VDR: variants seen among roughly 807,000 people sequenced by gnomAD.
VDR encodes vitamin D receptor, also known as vitamin D3 receptor.
Under a neutral mutation model 39.7 loss-of-function variants are expected in VDR, and 19 were observed. The observed-to-expected ratio is 0.48, with a 90% CI of 0.33 to 0.70. VDR has a LOEUF of 0.70. Among genes scored for constraint, VDR ranks in the 30% least tolerant of loss-of-function variants. The pLI is 0.02. For missense variants in VDR, 442 were observed against 570.5 expected (o/e 0.77, Z 2.29); for synonymous variants, 242 against 215.8 (o/e 1.12, Z -1.07).
intron 1 of VDR, among the ~76,000 whole-genome samples, chr12:47,892,905 G>T (rs1010510808): frequency 2.0e-5 from 3 of 152,214 alleles, no homozygotes; most frequent in African/African-American, 7.2e-5. Context: ...AGGAGCAGAG[G>T]AGTTTAATGT....
intron 9 of VDR, among the ~76,000 whole-genome samples, chr12:47,845,971 G>GT (rs1423156617): frequency 3.3e-5 from 5 of 152,208 alleles, no homozygotes; most frequent in Non-Finnish European, 7.3e-5. Context: ...CCAAAGTTTT[G>GT]TACCCTGCCC....
intron 3 of VDR, among the ~76,000 whole-genome samples, chr12:47,871,017 T>A (rs985431300): frequency 6.6e-6 from 1 of 152,098 alleles, no homozygotes; most frequent in African/African-American, 2.4e-5. Context: ...CATCAGGGGG[T>A]TCTCCTCAGG....
In VDR at chr12:47,895,153, AT is replaced by A. The variant is rs537839729; in HGVS notation, c.-84+9801del. 4.5e-4 allele frequency among the ~76,000 whole-genome samples: 68 copies of A among 152,248 alleles called. 1 individual carries two copies. The highest frequency in any genetic ancestry group is 9.0e-4 in the Non-Finnish European group (61 of 68,042). ...TTGCATTACTATTATTTTTCCAGGC[AT>A]TTAAGAATAGGAGAGGAGGAGGAAT... On this transcript the variant is annotated intron_variant, in intron 1 of 9. Coordinates refer to ENST00000549336, the MANE Select transcript of VDR (RefSeq NM_000376.3).
At chr12:47,885,227 GA>G (rs1370783233) in intron 1 of VDR, among the ~76,000 whole-genome samples, 1 of 152,198 alleles carries the variant, frequency 6.6e-6, no homozygotes, top group African/African-American at 2.4e-5. Flanking sequence ...CAACTCTGTA[GA>G]AAGCCCCTGG....
chr12:47,887,621 G>A (rs909279233), intron 1 of VDR, among the ~76,000 whole-genome samples: 4 of 152,228 alleles, frequency 2.6e-5, no homozygotes, highest in South Asian at 4.1e-4. Context: ...CACAGACAGC[G>A]TCCACCTTTG....
intron 7 of VDR, among the ~76,000 whole-genome samples, chr12:47,852,791 A>C (rs1945411797): frequency 6.6e-6 from 1 of 152,188 alleles, no homozygotes; most frequent in South Asian, 2.1e-4. Context: ...TAATTTCGGC[A>C]ATAACTCATG....
chr12:47,876,955 G>C (rs772727915), intron 3 of VDR, among the ~76,000 whole-genome samples: 8 of 152,324 alleles, frequency 5.3e-5, no homozygotes, highest in Non-Finnish European at 8.8e-5. Context: ...AGTGGATTTG[G>C]GGGTAGAGAC....
At chr12:47,900,689 A>G (rs1385160456) in intron 1 of VDR, among the ~76,000 whole-genome samples, 1 of 152,220 alleles carries the variant, frequency 6.6e-6, no homozygotes, top group Admixed American at 6.5e-5. Context: ...ATGTGTCACC[A>G]GCAAAGCCTC....
rs528100624 is a variant in VDR, at chr12:47,869,019, T to C, written c.147-3842A>G. ...GCCCCAGGGCCTATCAGAGGCCCCG[T>C]CTGTCCTTCCCCAGGCTCCAGGGAG... On this transcript the variant is annotated intron_variant, in intron 3 of 9. Coordinates refer to ENST00000549336, the MANE Select transcript of VDR (RefSeq NM_000376.3). Among the ~76,000 whole-genome samples the C allele has an allele frequency of 3.9e-5, 6 of 152,304 alleles. 1 individual carries two copies. The highest frequency in any genetic ancestry group is 1.4e-4 in the African/African-American group (6 of 41,572).
At chr12:47,853,813 T>C (rs113322950) in intron 7 of VDR, among the ~76,000 whole-genome samples, 11,738 of 152,060 alleles carry the variant, frequency 0.077, 1,465 homozygotes, top group African/African-American at 0.26. Flanking sequence ...TTCCAGCTAC[T>C]TGGGAGGCTG....
At chr12:47,894,314 C>T (rs986671387) in intron 1 of VDR, among the ~76,000 whole-genome samples, 1 of 152,250 alleles carries the variant, frequency 6.6e-6, no homozygotes, top group Non-Finnish European at 1.5e-5. Context: ...AGAAGTTCCA[C>T]TCTCTGCACT....
In VDR at chr12:47,842,239, C is replaced by T. The variant is rs1945184862; in HGVS notation, c.*2507G>A. 1 of 152,440 alleles carries T rather than the reference C, an allele frequency of 6.6e-6. No homozygotes were observed. The highest frequency in any genetic ancestry group is 1.5e-5 in the Non-Finnish European group (1 of 68,126). 9.4% of individuals were successfully genotyped at this position (152,440 alleles called of 1,614,324 possible). ...CATCGTGGTGGGGTAGGGTCTGATTCACATTGAGGCAGAGGTGAGTCTCCT... is the reference window on the plus strand; with the variant it reads ...CATCGTGGTGGGGTAGGGTCTGATTTACATTGAGGCAGAGGTGAGTCTCCT... On this transcript the variant is annotated 3_prime_UTR_variant, in exon 10 of 10. Transcript: ENST00000549336.
intron 3 of VDR, among the ~76,000 whole-genome samples, chr12:47,874,799 T>C (rs991923434): frequency 2.0e-5 from 3 of 152,198 alleles, no homozygotes; most frequent in Non-Finnish European, 4.4e-5. Flanking sequence ...TTCCTTTATA[T>C]CAGACTCCGG....
At chr12:47,868,482 A>T (rs1207000559) in intron 3 of VDR, among the ~76,000 whole-genome samples, 1 of 152,228 alleles carries the variant, frequency 6.6e-6, no homozygotes, top group Non-Finnish European at 1.5e-5. Context: ...AGAAACAAAA[A>T]GCCTTTTGCC....
At chr12:47,894,300 TGGCAGAA>T (rs1265192796) in intron 1 of VDR, among the ~76,000 whole-genome samples, 2 of 152,226 alleles carry the variant, frequency 1.3e-5, no homozygotes, top group Non-Finnish European at 2.9e-5. Context: ...CTGAACCAGC[TGGCAGAA>T]GTTCCACTCT....
chr12:47,886,790 T>C (rs964480067), intron 1 of VDR, among the ~76,000 whole-genome samples: 2 of 152,242 alleles, frequency 1.3e-5, no homozygotes, highest in Non-Finnish European at 2.9e-5. Context: ...CATGCTTGAA[T>C]AATTTTCCTA....
chr12:47,870,448 G>C (rs916937814), intron 3 of VDR, among the ~76,000 whole-genome samples: 2 of 151,736 alleles, frequency 1.3e-5, no homozygotes, highest in African/African-American at 4.8e-5. Flanking sequence ...CCTCTGGTTG[G>C]TTGGCATTTA....
intron 1 of VDR, among the ~76,000 whole-genome samples, chr12:47,889,289 G>A (rs1946318254): frequency 6.6e-6 from 1 of 152,130 alleles, no homozygotes; most frequent in Admixed American, 6.5e-5. Context: ...GCAGCTTCAG[G>A]GCGAGGATGT....
Position 47,842,643 on chromosome 12 carries a change from T to C in VDR, c.*2103A>G, listed in dbSNP as rs1945193719. ...CGGCTATTTTTTTTTTTTTTTTTTT[T>C]GTATTTTTAATAGAGACAGGGTTTC... On this transcript the variant is annotated 3_prime_UTR_variant, in exon 10 of 10. Transcript: ENST00000549336. 1 of 141,826 alleles carries C rather than the reference T, an allele frequency of 7.1e-6. No homozygotes were observed. Among genetic ancestry groups the C allele is most frequent in the Non-Finnish European group, 1.5e-5 (1 of 65,402 alleles). 8.8% of individuals were successfully genotyped at this position (141,826 alleles called of 1,614,324 possible). A position where few individuals can be genotyped will look rare whatever the true frequency, so the allele number is the denominator to read the frequency against.
Sources: allele counts gnomAD v4.1 joint callset (sites outside exome capture counted in the v4.1 genomes callset), GRCh38; gene constraint gnomAD v4.1.1; transcripts MANE v1.5; gene names NCBI Gene and HGNC (gene_info 2026-07-23, HGNC 2026-07-21).